The following NRK variants were observed in gnomAD, a reference collection of about 807,000 sequenced individuals.
The protein encoded by NRK is Nik related kinase, also known as nik-related protein kinase.
A neutral mutation model predicts 125.2 loss-of-function variants in NRK; 67 were observed. The observed-to-expected ratio is 0.54, with a 90% CI of 0.44 to 0.66. NRK has a LOEUF of 0.66. Among genes scored for constraint, NRK ranks in the 30% least tolerant of loss-of-function variants. The pLI, the probability that NRK is intolerant of heterozygous loss-of-function variation, is 0.00. For synonymous variants in NRK, 458 were observed against 429.0 expected, an observed-to-expected ratio of 1.07 and a Z score of -0.84; for missense variants, 1,224 against 1,192.9, an observed-to-expected ratio of 1.03 and a Z score of -0.38.
At chrX:105,857,370 G>T (rs2039543959) in intron 2 of NRK, among the ~76,000 whole-genome samples, 1 of 111,025 alleles carries the variant, frequency 9.0e-6, no homozygotes, top group Non-Finnish European at 1.9e-5. Flanking sequence ...GAAGATTTGA[G>T]GCAATTTGTA....
chrX:105,946,315 G>A lies in NRK; in HGVS notation c.4204G>A (p.Val1402Ile), dbSNP rs2040812224. Residue 1402 changes from valine (V) to isoleucine (I), a missense_variant and splice_region_variant, in exon 26 of 29, where the codon GTA becomes ATA. Coordinates refer to ENST00000243300, the MANE Select transcript of NRK (RefSeq NM_198465.4). ...GCCATATTTGGTTTTATATTCACAG[G>A]TATTTCCAACACTTGATCATAAGCC... ...DELLHLLKLK[V>I]FPTLDHKPVT... 1 of 1,196,563 alleles carries A rather than the reference G, an allele frequency of 8.4e-7. No homozygotes were observed. Among genetic ancestry groups the A allele is most frequent in the Non-Finnish European group, 1.1e-6 (1 of 887,222 alleles).
rs2040254738 is a variant in NRK at position 105,908,906 on chromosome X, T to C, written c.1265T>C (p.Leu422Pro). The C allele has an allele frequency of 8.3e-7, 1 of 1,210,220 alleles. No individual in the cohort carries two copies. Residue 422 changes from leucine (L) to proline (P), a missense_variant, in exon 13 of 29, where the codon CTG (leucine) becomes CCG (proline). Leu to Pro is a moderately conservative substitution (Grantham distance 98). Transcript: ENST00000243300. ...AARVFMPLQALDSAPKPLKGQ... is the reference protein window; with the variant it reads ...AARVFMPLQAPDSAPKPLKGQ... ...AGGGTATTCATGCCACTGCAGGCTC[T>C]GGACAGTGCACCTAAGCCTCTAAAG...
chrX:105,856,033 C>G (rs1262854280), intron 2 of NRK, among the ~76,000 whole-genome samples: 3 of 111,227 alleles, frequency 2.7e-5, no homozygotes, highest in Non-Finnish European at 5.7e-5. Context: ...ATCGTTCCTT[C>G]TTTGATTAAA....
At chrX:105,917,970 G>T (rs2040387857) in intron 16 of NRK, among the ~76,000 whole-genome samples, 1 of 111,070 alleles carries the variant, frequency 9.0e-6, no homozygotes, top group South Asian at 3.7e-4. Context: ...CGTAAGAAAA[G>T]TATGGTAAAG....
chrX:105,954,335 T>C (rs1369630249), intron 28 of NRK, among the ~76,000 whole-genome samples: 1 of 110,548 alleles, frequency 9.0e-6, no homozygotes, highest in African/African-American at 3.3e-5. Context: ...TCTGTAAAGG[T>C]TTATGAAGAT....
intron 27 of NRK, among the ~76,000 whole-genome samples, chrX:105,952,744 T>C (rs1338700829): frequency 9.0e-6 from 1 of 111,673 alleles, no homozygotes; most frequent in Non-Finnish European, 1.9e-5. Context: ...TGGGATAGAA[T>C]TAGTTCTTAG....
chrX:105,870,076 G>T (rs893804267), intron 2 of NRK, among the ~76,000 whole-genome samples: 1 of 111,377 alleles, frequency 9.0e-6, no homozygotes, highest in African/African-American at 3.3e-5. Context: ...ACCATAGTGG[G>T]AGAAAATAGT....
intron 2 of NRK, among the ~76,000 whole-genome samples, chrX:105,847,492 T>C (rs1273962396): frequency 8.9e-6 from 1 of 112,238 alleles, no homozygotes; most frequent in Non-Finnish European, 1.9e-5. Flanking sequence ...ATGTAAAATA[T>C]TTCAACAGCA....
At chrX:105,912,858 G>A in intron 14 of NRK, 103 bp downstream of exon 14, 3 of 359,381 alleles carry the variant, frequency 8.3e-6, no homozygotes. Context: ...AAACATTGAG[G>A]ACCTCAAAAA....
rs749429770 is a variant in NRK at position 105,879,187 on chromosome X, A to C, written c.124-1012A>C. On this transcript the variant is annotated intron_variant, in intron 2 of 28. Coordinates refer to ENST00000243300, the MANE Select transcript of NRK (RefSeq NM_198465.4). ...CTTATAAAGAAACCGGACATTGACC[A>C]AACAAATCCATATGACCTCATCATA... is the stretch of plus-strand genomic sequence containing the variant. Among the ~76,000 whole-genome samples, 6 of 110,658 alleles carry C rather than the reference A, an allele frequency of 5.4e-5. No homozygotes were observed. In the South Asian group the frequency reaches 2.3e-3, roughly 43 times the overall value.
intron 1 of NRK, among the ~76,000 whole-genome samples, chrX:105,824,253 T>C (rs937085132): frequency 8.9e-6 from 1 of 112,147 alleles, no homozygotes; most frequent in African/African-American, 3.2e-5. Context: ...TTTCTCATTC[T>C]GCATGCACCC....
intron 7 of NRK, among the ~76,000 whole-genome samples, chrX:105,895,785 C>T (rs935269951): frequency 9.0e-6 from 1 of 111,336 alleles, no homozygotes; most frequent in African/African-American, 3.3e-5. Flanking sequence ...TACTTTTTGG[C>T]CATCGCTTTA....
chrX:105,879,340 A>C (rs2039857180), intron 2 of NRK, among the ~76,000 whole-genome samples: 3 of 110,759 alleles, frequency 2.7e-5, no homozygotes, highest in Non-Finnish European at 5.7e-5. Context: ...TCTGCTGAGA[A>C]ATATCAGATA....
intron 27 of NRK, 23 bp from the exon 28 acceptor site, chrX:105,953,011 A>AT (rs768057525): frequency 1.0e-4 from 110 of 1,081,002 alleles, no homozygotes; most frequent in East Asian, 2.9e-4. Context: ...TGTTTTTCTG[A>AT]TTTTTTTTCA....
intron 2 of NRK, among the ~76,000 whole-genome samples, 184 bp downstream of exon 2, chrX:105,831,303 T>A (rs12011926): frequency 0.015 from 1,635 of 112,110 alleles, 12 homozygotes; most frequent in Non-Finnish European, 0.02. Flanking sequence ...ATGGATTGGC[T>A]AATCTATAGT....
chrX:105,837,539 C>G (rs1366699403), intron 2 of NRK, among the ~76,000 whole-genome samples: 1 of 111,499 alleles, frequency 9.0e-6, no homozygotes, highest in Admixed American at 9.6e-5. Context: ...TCTCACACTA[C>G]TATTGTAATC....
At chrX:105,943,909 C>T in intron 23 of NRK, 32 bp from the exon 24 acceptor site, 2 of 714,946 alleles carry the variant, frequency 2.8e-6, no homozygotes, top group Non-Finnish European at 4.2e-6. Context: ...TTAACTGTGG[C>T]ATCGTTACTT....
At chrX:105,849,059 T>C (rs2039436790) in intron 2 of NRK, among the ~76,000 whole-genome samples, 1 of 111,747 alleles carries the variant, frequency 8.9e-6, no homozygotes, top group Non-Finnish European at 1.9e-5. Context: ...TGTGTATTAG[T>C]CTGTTTTCAT....
chrX:105,952,001 A>T (rs1386978119), intron 27 of NRK, among the ~76,000 whole-genome samples: 1 of 112,387 alleles, frequency 8.9e-6, no homozygotes, highest in Non-Finnish European at 1.9e-5. Context: ...GATTTTCCTT[A>T]TTTCCCTTAT....
Sources: gnomAD v4.1 joint callset for allele counts (sites outside exome capture counted in the v4.1 genomes callset) on GRCh38, gnomAD v4.1.1 for gene constraint, MANE v1.5 for transcripts, NCBI Gene and HGNC (gene_info 2026-07-23, HGNC 2026-07-21) for gene names.